The following CCDC186 variants were observed in gnomAD, a reference collection of about 807,000 sequenced individuals.
CCDC186 encodes the protein coiled-coil domain containing 186.
In CCDC186, 49 loss-of-function variants were observed where a neutral mutation model predicts 113.7. That is an observed-to-expected ratio of 0.43 (90% CI 0.34 to 0.55). The LOEUF (loss-of-function observed/expected upper bound fraction) is 0.55. Among genes scored for constraint, CCDC186 ranks in the 20% least tolerant of loss-of-function variants. CCDC186 has a pLI of 0.02. For missense variants in CCDC186, 890 were observed against 1,011.1 expected, an observed-to-expected ratio of 0.88 and a Z score of 1.62; for synonymous variants, 355 against 345.8, an observed-to-expected ratio of 1.03 and a Z score of -0.30.
chr10:114,160,304 C>G lies in CCDC186; in HGVS notation c.632+2333G>C, dbSNP rs1029918641. Among the ~76,000 whole-genome samples, 22 of 151,216 alleles carry G rather than the reference C, an allele frequency of 1.5e-4. 1 individual carries two copies. Among genetic ancestry groups the G allele is most frequent in the African/African-American group, 5.3e-4 (22 of 41,204 alleles). ...AAAAAAATTTGGTTGGAACCTTAGACAGTAATATTGATGTGTTCAAAAATC... is the reference window on the plus strand; with the variant it reads ...AAAAAAATTTGGTTGGAACCTTAGAGAGTAATATTGATGTGTTCAAAAATC... On this transcript the variant is annotated intron_variant, in intron 2 of 15. Transcript: ENST00000369287.
chr10:114,157,178 ATTT>A (rs34377537), intron 3 of CCDC186, among the ~76,000 whole-genome samples: 12 of 121,168 alleles, frequency 9.9e-5, no homozygotes, highest in Admixed American at 1.8e-4. Context: ...AGTTTTCAGA[ATTT>A]TTTTTTTTTT....
At chr10:114,133,467 G>C (rs1351597911) in intron 10 of CCDC186, among the ~76,000 whole-genome samples, 2 of 152,136 alleles carry the variant, frequency 1.3e-5, no homozygotes, top group Non-Finnish European at 1.5e-5. Context: ...AAGGGCTAAA[G>C]ATAATGACTC....
At chr10:114,136,305 G>A (rs372615802) in intron 7 of CCDC186, 59 bp from the exon 8 acceptor site, 11 of 1,161,672 alleles carry the variant, frequency 9.5e-6, no homozygotes, top group East Asian at 2.3e-5. Flanking sequence ...CGTTTGCCCT[G>A]AGAATACTCG....
intron 15 of CCDC186, among the ~76,000 whole-genome samples, chr10:114,125,529 G>A (rs1047426010): frequency 1.5e-4 from 23 of 151,594 alleles, no homozygotes; most frequent in Non-Finnish European, 2.9e-5. Context: ...CCCACCCACA[G>A]CAAAAATAAA....
At chr10:114,149,754 C>CAGGA (rs1182536298) in intron 4 of CCDC186, among the ~76,000 whole-genome samples, 12 of 60,584 alleles carry the variant, frequency 2.0e-4, no homozygotes, top group African/African-American at 4.3e-4. Context: ...GGCAGGAAGG[C>CAGGA]AGGAAGGAAG....
intron 3 of CCDC186, among the ~76,000 whole-genome samples, chr10:114,153,022 T>G (rs1402220702): frequency 6.6e-6 from 1 of 152,164 alleles, no homozygotes; most frequent in Non-Finnish European, 1.5e-5. Context: ...TCAACAATAG[T>G]TGGAGACTTC....
intron 1 of CCDC186, among the ~76,000 whole-genome samples, chr10:114,166,476 C>CA (rs1467677645): frequency 6.6e-6 from 1 of 152,234 alleles, no homozygotes; most frequent in Non-Finnish European, 1.5e-5. Flanking sequence ...TTACACTCAT[C>CA]AAGCACATAG....
At chr10:114,173,137 G>C in intron 1 of CCDC186, 1 of 433,544 alleles carries the variant, frequency 2.3e-6, no homozygotes, top group Non-Finnish European at 4.7e-6. Flanking sequence ...AAACGGCCAA[G>C]TACCTGGGAC....
chr10:114,121,539 A>G lies in CCDC186; in HGVS notation c.*3604T>C, dbSNP rs538544449. ...TAATAATTTAATGGTAAAAAATCTAATGCCATCTTATGGTCTTTGGATTTT... is the reference window on the plus strand; with the variant it reads ...TAATAATTTAATGGTAAAAAATCTAGTGCCATCTTATGGTCTTTGGATTTT... On this transcript the variant is annotated 3_prime_UTR_variant, in exon 16 of 16. Transcript: ENST00000369287. The G allele has an allele frequency of 1.8e-4, 28 of 152,236 alleles. No homozygotes were observed. Among genetic ancestry groups the G allele is most frequent in the Non-Finnish European group, 1.5e-5 (1 of 68,038 alleles). The allele number at this position is 152,236 out of a possible 1,614,324, so 9.4% of individuals were successfully genotyped here. A position where few individuals can be genotyped will look rare whatever the true frequency, so the allele number is the denominator to read the frequency against.
Position 114,124,305 on chromosome 10 carries a change from T to C in CCDC186, c.*838A>G, listed in dbSNP as rs913206786. ...TATGCTGGTTTCTTTTGGAAGCTGG[T>C]TCTTCATATTATCTTTACACAAGGT... On this transcript the variant is annotated 3_prime_UTR_variant, in exon 16 of 16. Coordinates refer to ENST00000369287, the MANE Select transcript of CCDC186 (RefSeq NM_018017.4). The C allele has an allele frequency of 1.7e-5, 2 of 115,098 alleles. No individual in the cohort carries two copies. The highest frequency in any genetic ancestry group is 8.5e-5 in the Admixed American group (1 of 11,704). 7.1% of individuals were successfully genotyped at this position (115,098 alleles called of 1,614,324 possible).
At chr10:114,149,761 G>GC (rs2031777967) in intron 4 of CCDC186, among the ~76,000 whole-genome samples, 1 of 20,874 alleles carries the variant, frequency 4.8e-5, no homozygotes, top group Non-Finnish European at 1.1e-4. Context: ...AGGCAGGAAG[G>GC]AAGGAAGGAA....
chr10:114,121,702 G>A lies in CCDC186; in HGVS notation c.*3441C>T, dbSNP rs2030729282. 6.6e-6 allele frequency: 1 copy of A among 152,062 alleles called. No individual in the cohort carries two copies. The highest frequency in any genetic ancestry group is 2.4e-5 in the African/African-American group (1 of 41,392). 9.4% of individuals were successfully genotyped at this position (152,062 alleles called of 1,614,324 possible). A position where few individuals can be genotyped will look rare whatever the true frequency, so the allele number is the denominator to read the frequency against. The stretch of plus-strand genomic sequence containing the variant: ...GCCTCATGTACGAGTGAGATTTCTG[G>A]GCCACTTGCACAAGTAGATAAACCC... On this transcript the variant is annotated 3_prime_UTR_variant, in exon 16 of 16. Transcript: ENST00000369287.
intron 13 of CCDC186, among the ~76,000 whole-genome samples, chr10:114,128,307 A>G (rs2030978381): frequency 6.6e-6 from 1 of 152,216 alleles, no homozygotes; most frequent in Non-Finnish European, 1.5e-5. Flanking sequence ...CCCTACAAAG[A>G]TTAGTTTTTT....
In CCDC186 at chr10:114,151,109, C is replaced by T; in HGVS notation, c.871G>A (p.Ala291Thr). The T allele has an allele frequency of 6.2e-7, 1 of 1,613,394 alleles. No individual in the cohort carries two copies. The highest frequency in any genetic ancestry group is 1.3e-5 in the African/African-American group (1 of 75,026). The stretch of plus-strand genomic sequence containing the variant: ...AGAAATACCTGTTCCATCCGTTGGG[C>T]CATCTCTTTGTGTAACTGCTGAACT... ...NAVQQLHKEMAQRMEQANKKC... is the reference protein window; with the variant it reads ...NAVQQLHKEMTQRMEQANKKC... Residue 291 changes from alanine to threonine, a missense_variant, in exon 4 of 16, where the codon GCC becomes ACC. Transcript: ENST00000369287.
At position 114,157,591 on chromosome 10, in the gene CCDC186, G is replaced by C. The variant is rs779113682; in HGVS notation, c.722C>G (p.Thr241Arg). ...DNLREELKKR[T>R]ETEKQHMNTI... ...GTTCATATGCTGCTTCTCAGTTTCT[G>C]TTCTTTTCTTTAGTTCTTCTCTTAA... Residue 241 changes from threonine to arginine, a missense_variant, in exon 3 of 16, where the codon ACA becomes AGA. Physicochemically the swap from Thr to Arg is moderately conservative, Grantham distance 71. Coordinates refer to ENST00000369287, the MANE Select transcript of CCDC186 (RefSeq NM_018017.4). 3.7e-6 allele frequency: 6 copies of C among 1,610,858 alleles called. No homozygotes were observed. Among genetic ancestry groups the C allele is most frequent in the Non-Finnish European group, 5.1e-6 (6 of 1,179,112 alleles).
chr10:114,165,232 C>T (rs1469376474), intron 1 of CCDC186, among the ~76,000 whole-genome samples: 1 of 152,132 alleles, frequency 6.6e-6, no homozygotes, highest in Non-Finnish European at 1.5e-5. Flanking sequence ...TATAACCAAG[C>T]CAAAGCACAC....
At chr10:114,130,050 C>T in intron 12 of CCDC186, 79 bp from the exon 13 acceptor site, 3 of 1,299,010 alleles carry the variant, frequency 2.3e-6, no homozygotes, top group Non-Finnish European at 3.3e-6. Context: ...TTGCTAAAAT[C>T]ACTGAGGCAA....
At chr10:114,170,861 C>T (rs2032474738) in intron 1 of CCDC186, among the ~76,000 whole-genome samples, 1 of 151,536 alleles carries the variant, frequency 6.6e-6, no homozygotes, top group Non-Finnish European at 1.5e-5. Context: ...TGCGGCAAGA[C>T]CCCCCCACCC....
intron 1 of CCDC186, among the ~76,000 whole-genome samples, chr10:114,166,907 T>C (rs2032349684): frequency 1.3e-5 from 2 of 152,184 alleles, no homozygotes; most frequent in Admixed American, 6.5e-5. Context: ...AAGACTCAGA[T>C]TAACCTCAAA....
Sources: gnomAD v4.1 joint callset for allele counts (sites outside exome capture counted in the v4.1 genomes callset) on GRCh38, gnomAD v4.1.1 for gene constraint, MANE v1.5 for transcripts, NCBI Gene and HGNC (gene_info 2026-07-23, HGNC 2026-07-21) for gene names.